L1TD1: variants seen among roughly 807,000 people sequenced by gnomAD.
L1TD1 encodes the protein LINE-1 type transposase domain-containing protein 1.
L1TD1 carries 26 observed loss-of-function variants against 25.7 expected under a neutral mutation model. That is an observed-to-expected ratio of 1.01 (90% CI 0.74 to 1.40). The LOEUF (loss-of-function observed/expected upper bound fraction) is 1.40, where lower values mean the gene tolerates loss of function less well. Ranked by LOEUF, L1TD1 falls within the 40% of genes most tolerant of loss-of-function variation. L1TD1 has a pLI of 0.00. For synonymous variants in L1TD1, 421 were observed against 335.6 expected, an observed-to-expected ratio of 1.25 and a Z score of -2.78; for missense variants, 1,130 against 975.0, an observed-to-expected ratio of 1.16 and a Z score of -2.12.
chr1:62,210,904 G>T lies in L1TD1; in HGVS notation c.2130G>T (p.Lys710Asn). 1 of 1,551,392 alleles carries T rather than the reference G, an allele frequency of 6.4e-7. No individual in the cohort carries two copies. Among genetic ancestry groups the T allele is most frequent in the South Asian group, 1.2e-5 (1 of 83,990 alleles). ...TTCGTTTGATAGGAATTCCAGAAAA[G>T]GAGAGTTATGAGAATAGGGCAGAGG... ...CNIRLIGIPE[K>N]ESYENRAEDI... Residue 710 changes from lysine (K) to asparagine (N), a missense_variant, in exon 4 of 4, where the codon AAG becomes AAT. By Grantham distance (94) the Lys-to-Asn change is moderately conservative. Coordinates refer to ENST00000498273, the MANE Select transcript of L1TD1 (RefSeq NM_019079.5).
chr1:62,196,753 C>T (rs561797145), intron 2 of L1TD1, among the ~76,000 whole-genome samples: 4 of 152,138 alleles, frequency 2.6e-5, no homozygotes, highest in East Asian at 3.9e-4. Context: ...CCATTATACC[C>T]GGCTAATTTT....
chr1:62,207,588 G>C lies in L1TD1; in HGVS notation c.960G>C (p.Lys320Asn). ...TACTGAAAGATGTACTCCCACAAAA[G>C]GAAGAAATAAATCAAGGAGGAAGAA... is the stretch of plus-strand genomic sequence containing the variant. ...KELLKDVLPQ[K>N]EEINQGGRKY... is the part of the protein sequence containing the mutation. The change falls in exon 3 of 4, where the codon AAG becomes AAC. Residue 320 changes from lysine (K) to asparagine (N), a missense_variant. Lys to Asn is a moderately conservative substitution (Grantham distance 94, BLOSUM62 0). Transcript: ENST00000498273. 1 of 1,543,276 alleles carries C rather than the reference G, an allele frequency of 6.5e-7. No individual in the cohort carries two copies.
In L1TD1 at chr1:62,208,617, C is replaced by A. The variant is rs543223825; in HGVS notation, c.1008+981C>A. On this transcript the variant is annotated intron_variant, in intron 3 of 3. Transcript: ENST00000498273. ...ACTCCAGCCTCCTGATAGCTGGGAC[C>A]ACATGCATGCACTACCACACCCAGC... Among the ~76,000 whole-genome samples the A allele has an allele frequency of 2.0e-5, 3 of 151,960 alleles. No homozygotes were observed. The South Asian group carries it at 6.2e-4, about 32-fold the overall frequency.
Position 62,211,448 on chromosome 1 carries a change from A to G in L1TD1, c.*76A>G. 2 of 1,516,402 alleles carry G rather than the reference A, an allele frequency of 1.3e-6. No homozygotes were observed. The highest frequency in any genetic ancestry group is 1.8e-6 in the Non-Finnish European group (2 of 1,139,660). The allele number at this position is 1,516,402 out of a possible 1,614,324, so 93.9% of individuals were successfully genotyped here. ...AAAAATCAACAAGTAAAACGAAAAT[A>G]CACTTCTACCCAGAAGGATGGACAG... On this transcript the variant is annotated 3_prime_UTR_variant, in exon 4 of 4. Coordinates refer to ENST00000498273, the MANE Select transcript of L1TD1 (RefSeq NM_019079.5).
Position 62,211,672 on chromosome 1 carries a change from T to TTTATA in L1TD1, c.*305_*309dup, listed in dbSNP as rs1670876137. ...CTGCAGTTGACTAGTCTTTTTAGAATTTATATTATCTGGCTGGGCACGGTG... is the reference window on the plus strand; with the variant it reads ...CTGCAGTTGACTAGTCTTTTTAGAATTTATATTATATTATCTGGCTGGGCACGGTG... On this transcript the variant is annotated 3_prime_UTR_variant, in exon 4 of 4. Transcript: ENST00000498273. 8.4e-6 allele frequency: 2 copies of TTTATA among 236,862 alleles called. No homozygotes were observed. The highest frequency in any genetic ancestry group is 1.6e-5 in the Non-Finnish European group (2 of 124,874). The allele number at this position is 236,862 out of a possible 1,614,324, so 14.7% of individuals were successfully genotyped here.
chr1:62,210,221 G>A lies in L1TD1; in HGVS notation c.1447G>A (p.Glu483Lys). The change falls in exon 4 of 4, where the codon GAA (glutamate) becomes AAA (lysine). Residue 483 changes from glutamate to lysine, a missense_variant. By Grantham distance (56) the Glu-to-Lys change is moderately conservative. Coordinates refer to ENST00000498273, the MANE Select transcript of L1TD1 (RefSeq NM_019079.5). ...GGATTCTGAATCAGAGGAGGAAGAA[G>A]AAGGAAAGAGCTCTGAAACAGGAAA... is the stretch of plus-strand genomic sequence containing the variant. Reference protein sequence around the residue: ...VEDSESEEEEEGKSSETGKVK... With the variant: ...VEDSESEEEEKGKSSETGKVK... 1.2e-6 allele frequency: 2 copies of A among 1,614,042 alleles called. No homozygotes were observed. The highest frequency in any genetic ancestry group is 1.7e-6 in the Non-Finnish European group (2 of 1,180,024).
At position 62,210,446 on chromosome 1, in the gene L1TD1, C is replaced by T. The variant is rs1032003600; in HGVS notation, c.1672C>T (p.Pro558Ser). 1.2e-6 allele frequency: 2 copies of T among 1,614,136 alleles called. No individual in the cohort carries two copies. Among genetic ancestry groups the T allele is most frequent in the East Asian group, 4.5e-5 (2 of 44,866 alleles). Reference protein sequence around the residue: ...TPCLTLCLASPSKSLEMSHDE... With the variant: ...TPCLTLCLASSSKSLEMSHDE... ...CTGTCTGACCTTATGTTTGGCCTCT[C>T]CCTCAAAGTCACTAGAGATGAGTCA... Residue 558 changes from proline to serine, a missense_variant, in exon 4 of 4, where the codon CCC becomes TCC. Pro to Ser is a moderately conservative substitution (Grantham distance 74, BLOSUM62 -1). Coordinates refer to ENST00000498273, the MANE Select transcript of L1TD1 (RefSeq NM_019079.5).
chr1:62,196,441 A>T lies in L1TD1; in HGVS notation c.-198A>T, dbSNP rs1267821316. On this transcript the variant is annotated 5_prime_UTR_variant, in exon 2 of 4. In the 5' UTR this introduces an upstream ATG that the reference lacks. Coordinates refer to ENST00000498273, the MANE Select transcript of L1TD1 (RefSeq NM_019079.5). ...AACTTGACTTGAATTCTAGGCACCA[A>T]GGCACAGCTTAGAGTAGACCCGAGT... 1 of 152,238 alleles carries T rather than the reference A, an allele frequency of 6.6e-6. No individual in the cohort carries two copies. The highest frequency in any genetic ancestry group is 1.9e-4 in the East Asian group (1 of 5,196). The allele number at this position is 152,238 out of a possible 1,614,324, so 9.4% of individuals were successfully genotyped here. A position where few individuals can be genotyped will look rare whatever the true frequency, so the allele number is the denominator to read the frequency against.
At position 62,205,972 on chromosome 1, in the gene L1TD1, C is replaced by T. The variant is rs192572376; in HGVS notation, c.-110-547C>T. 2.7e-3 allele frequency among the ~76,000 whole-genome samples: 414 copies of T among 152,248 alleles called. 7 individuals carry two copies. The highest frequency in any genetic ancestry group is 9.7e-4 in the Non-Finnish European group (66 of 68,022). ...TCTCGAACTCCTGGGGTCAAGTGAT[C>T]CTCCCACCTCAACCTCTCAAAGTGC... On this transcript the variant is annotated intron_variant, in intron 2 of 3. Transcript: ENST00000498273.
At position 62,211,693 on chromosome 1, in the gene L1TD1, C is replaced by T. The variant is rs146807813; in HGVS notation, c.*321C>T. 775 of 201,926 alleles carry T rather than the reference C, an allele frequency of 3.8e-3. 6 individuals carry two copies. Among genetic ancestry groups the T allele is most frequent in the African/African-American group, 0.017 (723 of 42,524 alleles). The allele number at this position is 201,926 out of a possible 1,614,324, so 12.5% of individuals were successfully genotyped here. A position where few individuals can be genotyped will look rare whatever the true frequency, so the allele number is the denominator to read the frequency against. The stretch of plus-strand genomic sequence containing the variant: ...AGAATTTATATTATCTGGCTGGGCA[C>T]GGTGGCTCACACCTGTAATCCCAGC... On this transcript the variant is annotated 3_prime_UTR_variant, in exon 4 of 4. Coordinates refer to ENST00000498273, the MANE Select transcript of L1TD1 (RefSeq NM_019079.5).
Position 62,210,721 on chromosome 1 carries a change from AGAT to A in L1TD1, c.1951_1953del (p.Asp651del). 6.4e-7 allele frequency: 1 copy of A among 1,551,796 alleles called. No homozygotes were observed. Among genetic ancestry groups the A allele is most frequent in the Non-Finnish European group, 8.7e-7 (1 of 1,147,000 alleles). ...GTGTCTTGGAAATTGAAAATTCAGT[AGAT>A]GATCTGAGTAGCAGAATGGACATAC... On this transcript the variant is annotated inframe_deletion, in exon 4 of 4. Transcript: ENST00000498273.
intron 2 of L1TD1, among the ~76,000 whole-genome samples, chr1:62,197,398 TATA>T (rs1392599701): frequency 1.6e-4 from 17 of 106,392 alleles, no homozygotes; most frequent in Non-Finnish European, 2.5e-4. Context: ...AAAAATAAAT[TATA>T]TATATATATA....
At chr1:62,200,361 G>A (rs1670619025) in intron 2 of L1TD1, among the ~76,000 whole-genome samples, 2 of 152,090 alleles carry the variant, frequency 1.3e-5, no homozygotes, top group Admixed American at 6.6e-5. Context: ...AGTAGAGACG[G>A]GGTTTCACCA....
At position 62,210,140 on chromosome 1, in the gene L1TD1, C is replaced by G. The variant is rs547499700; in HGVS notation, c.1366C>G (p.His456Asp). 2 of 1,613,886 alleles carry G rather than the reference C, an allele frequency of 1.2e-6. No individual in the cohort carries two copies. ...FQGHTLVDAK[H>D]EVEITSDGME... ...GGGTCATACTTTGGTAGATGCAAAG[C>G]ATGAAGTTGAGATAACCAGTGATGG... is the stretch of plus-strand genomic sequence containing the variant. Residue 456 changes from histidine (H) to aspartate (D), a missense_variant, in exon 4 of 4, where the codon CAT (histidine) becomes GAT (aspartate). His to Asp is a moderately conservative substitution (Grantham distance 81). Coordinates refer to ENST00000498273, the MANE Select transcript of L1TD1 (RefSeq NM_019079.5).
intron 2 of L1TD1, among the ~76,000 whole-genome samples, chr1:62,201,761 AT>A (rs1670644341): frequency 6.6e-6 from 1 of 152,182 alleles, no homozygotes; most frequent in Non-Finnish European, 1.5e-5. Flanking sequence ...ATATTTAATA[AT>A]CAGTCCATAT....
At chr1:62,203,495 A>C (rs1670680650) in intron 2 of L1TD1, among the ~76,000 whole-genome samples, 1 of 151,874 alleles carries the variant, frequency 6.6e-6, no homozygotes, top group Middle Eastern at 3.4e-3. Context: ...GCTCACTGCA[A>C]CCTCCACCTC....
intron 2 of L1TD1, among the ~76,000 whole-genome samples, chr1:62,205,437 A>ATTTTTTTTTTTTTTTTT (rs1169759217): frequency 6.4e-4 from 27 of 42,420 alleles, no homozygotes; most frequent in African/African-American, 7.4e-4. Context: ...ATATATATAT[A>ATTTTTTTTTTTTTTTTT]TATATATTTT....
chr1:62,211,482 G>A lies in L1TD1; in HGVS notation c.*110G>A, dbSNP rs953348076. 29 of 1,479,196 alleles carry A rather than the reference G, an allele frequency of 2.0e-5. No individual in the cohort carries two copies. Among genetic ancestry groups the A allele is most frequent in the African/African-American group, 1.4e-4 (10 of 71,224 alleles). The allele number at this position is 1,479,196 out of a possible 1,614,324, so 91.6% of individuals were successfully genotyped here. ...CCCAGAAGGATGGACAGCTAATAGC[G>A]TACTTGGGGATGAGGAGCAAGGAAT... On this transcript the variant is annotated 3_prime_UTR_variant, in exon 4 of 4. Transcript: ENST00000498273.
rs762502674 is a variant in L1TD1, at chr1:62,210,657, TAAAAG to T, written c.1885_1889del (p.Lys629GlyfsTer16). On this transcript the variant is annotated frameshift_variant, in exon 4 of 4. Transcript: ENST00000498273. LOFTEE classifies it low-confidence loss of function (END_TRUNC). Reference sequence around the variant, plus strand: ...AGTGTGATTAATAGCATCAGAGAGATAAAAGAGGAGATTGGAAATTTGAAAAGTTC... The same window carrying T: ...AGTGTGATTAATAGCATCAGAGAGATAGGAGATTGGAAATTTGAAAAGTTC... The T allele has an allele frequency of 4.7e-5, 74 of 1,564,150 alleles. 1 individual carries two copies. In the South Asian group the frequency reaches 6.7e-4, roughly 14 times the overall value.
Sources: gnomAD v4.1 joint callset for allele counts (sites outside exome capture counted in the v4.1 genomes callset) on GRCh38, gnomAD v4.1.1 for gene constraint, MANE v1.5 for transcripts, NCBI Gene and HGNC (gene_info 2026-07-23, HGNC 2026-07-21) for gene names.